TEF: variants seen among roughly 807,000 people sequenced by gnomAD.
The protein encoded by TEF is thyrotroph embryonic factor.
In TEF, 3 loss-of-function variants were observed where a neutral mutation model predicts 20.8. The observed-to-expected ratio is 0.14, with a 90% confidence interval of 0.07 to 0.37. The LOEUF (loss-of-function observed/expected upper bound fraction) is 0.37. Among genes scored for constraint, TEF ranks in the 10% least tolerant of loss-of-function variants. The pLI, the probability that TEF is intolerant of heterozygous loss-of-function variation, is 1.00. For synonymous variants in TEF, 180 were observed against 171.1 expected (o/e 1.05, Z -0.41); for missense variants, 296 against 397.9 (o/e 0.74, Z 2.18).
chr22:41,395,714 C>G (rs368894005), intron 3 of TEF, 31 bp from the exon 4 acceptor site: 1 of 1,603,356 alleles, frequency 6.2e-7, no homozygotes. Context: ...TGGGGAAAGA[C>G]GAGAGACTCA....
intron 1 of TEF, among the ~76,000 whole-genome samples, chr22:41,370,730 CATT>C (rs1408628885): frequency 1.3e-5 from 2 of 152,148 alleles, no homozygotes; most frequent in Non-Finnish European, 2.9e-5. Context: ...TTTTCTAGTT[CATT>C]GATGCCCCTT....
upstream of TEF, chr22:41,381,824 C>G (rs996849194): frequency 8.6e-7 from 1 of 1,168,992 alleles, no homozygotes; most frequent in Non-Finnish European, 1.1e-6. Context: ...GCAGGCTGGA[C>G]CAATCCAGAG....
Position 41,381,982 on chromosome 22 carries a change from G to A in TEF, c.-63G>A. 8.1e-7 allele frequency: 1 copy of A among 1,228,742 alleles called. No homozygotes were observed. The highest frequency in any genetic ancestry group is 1.0e-6 in the Non-Finnish European group (1 of 986,050). 76.1% of individuals were successfully genotyped at this position (1,228,742 alleles called of 1,614,324 possible). A position where few individuals can be genotyped will look rare whatever the true frequency, so the allele number is the denominator to read the frequency against. On this transcript the variant is annotated 5_prime_UTR_variant, in exon 1 of 4. Coordinates refer to ENST00000266304, the MANE Select transcript of TEF (RefSeq NM_003216.4). Reference sequence around the variant, plus strand: ...GTCGGCAGCTGCAGCGGGTCGCACGGCTCCGGCCCATCTCGGGGGGCGGGC... The same window carrying A: ...GTCGGCAGCTGCAGCGGGTCGCACGACTCCGGCCCATCTCGGGGGGCGGGC...
At chr22:41,395,646 C>G in intron 3 of TEF, 99 bp from the exon 4 acceptor site, 1 of 1,225,208 alleles carries the variant, frequency 8.2e-7, no homozygotes, top group South Asian at 1.4e-5. Flanking sequence ...TAGCTCTGGC[C>G]ACACCAGATG....
intron 1 of TEF, chr22:41,382,979 C>G (rs1288041625): frequency 2.1e-6 from 1 of 471,080 alleles, no homozygotes; most frequent in Non-Finnish European, 4.4e-6. Context: ...GGGGCGTATA[C>G]GGAAAGCAGG....
chr22:41,370,172 T>A (rs1253045191), intron 1 of TEF: 3 of 879,792 alleles, frequency 3.4e-6, no homozygotes, highest in African/African-American at 3.6e-5. Flanking sequence ...TGGAGTGCAG[T>A]GGTGCTATCT....
intron 2 of TEF, among the ~76,000 whole-genome samples, chr22:41,388,581 A>G (rs901898840): frequency 3.4e-5 from 5 of 148,960 alleles, no homozygotes; most frequent in Admixed American, 6.9e-5. Flanking sequence ...GCCATCTCAA[A>G]AAAAAAAAAA....
At position 41,399,267 on chromosome 22, in the gene TEF, G is replaced by A. The variant is rs1372480344; in HGVS notation, c.*3307G>A. ...ACTGCTGGTGGGCCGGAGTGATGTG[G>A]TGGGAGGGAAGCCGGGAATGTATCC... On this transcript the variant is annotated 3_prime_UTR_variant, in exon 4 of 4. Coordinates refer to ENST00000266304, the MANE Select transcript of TEF (RefSeq NM_003216.4). 4 of 152,704 alleles carry A rather than the reference G, an allele frequency of 2.6e-5. No homozygotes were observed. The highest frequency in any genetic ancestry group is 1.3e-4 in the Admixed American group (2 of 15,286). The allele number at this position is 152,704 out of a possible 1,614,324, so 9.5% of individuals were successfully genotyped here.
upstream of TEF, among the ~76,000 whole-genome samples, chr22:41,378,741 G>T (rs2036978474): frequency 6.6e-6 from 1 of 151,992 alleles, no homozygotes. Flanking sequence ...CAAAGTGCTG[G>T]GATTACATGG....
Position 41,395,922 on chromosome 22 carries a change from A to G in TEF, c.874A>G (p.Ile292Val), listed in dbSNP as rs1345899823. 1.2e-6 allele frequency: 2 copies of G among 1,614,018 alleles called. No homozygotes were observed. The highest frequency in any genetic ancestry group is 1.7e-6 in the Non-Finnish European group (2 of 1,179,920). The change falls in exon 4 of 4, where the codon ATC (isoleucine) becomes GTC (valine). Residue 292 changes from isoleucine (I) to valine (V), a missense_variant. Ile to Val is a conservative substitution (Grantham distance 29). This residue lies in a region of TEF where 194 missense variants were observed against 317.8 expected (regional missense o/e 0.61). Transcript: ENST00000266304. Reference protein sequence around the residue: ...LRKEVGKCKTIVSKYETKYGP... With the variant: ...LRKEVGKCKTVVSKYETKYGP... ...CAAGGAGGTGGGCAAGTGCAAGACC[A>G]TCGTGTCCAAGTATGAGACCAAATA...
At chr22:41,394,642 T>C (rs2037206852) in intron 3 of TEF, among the ~76,000 whole-genome samples, 2 of 152,214 alleles carry the variant, frequency 1.3e-5, no homozygotes, top group African/African-American at 4.8e-5. Context: ...AAAAAGTCCT[T>C]GCTTTGAAGG....
chr22:41,395,801 G>A lies in TEF; in HGVS notation c.753G>A (p.Arg251=), dbSNP rs2037220482. 6.2e-7 allele frequency: 1 copy of A among 1,614,064 alleles called. No homozygotes were observed. Among genetic ancestry groups the A allele is most frequent in the African/African-American group, 1.3e-5 (1 of 74,922 alleles). Residue 251 remains arginine, a synonymous_variant, in exon 4 of 4, where the codon CGG becomes CGA. Transcript: ENST00000266304. ...KKNNVAAKRS[R]DARRLKENQI... Reference sequence around the variant, plus strand: ...ACAACGTGGCAGCTAAACGGTCACGGGATGCCCGGCGCCTGAAAGAGAATC... The same window carrying A: ...ACAACGTGGCAGCTAAACGGTCACGAGATGCCCGGCGCCTGAAAGAGAATC...
chr22:41,396,634 A>G lies in TEF; in HGVS notation c.*674A>G, dbSNP rs534969577. The G allele has an allele frequency of 2.9e-5, 8 of 274,148 alleles. No homozygotes were observed. Among genetic ancestry groups the G allele is most frequent in the Non-Finnish European group, 4.7e-5 (7 of 147,590 alleles). The allele number at this position is 274,148 out of a possible 1,614,324, so 17.0% of individuals were successfully genotyped here. ...CCTTTTCCCTTATGGCTCTGAGGCCATCGGCTGTCTCTGCATTTCATTGGC... is the reference window on the plus strand; with the variant it reads ...CCTTTTCCCTTATGGCTCTGAGGCCGTCGGCTGTCTCTGCATTTCATTGGC... On this transcript the variant is annotated 3_prime_UTR_variant, in exon 4 of 4. Transcript: ENST00000266304.
At chr22:41,381,707 G>A (rs2037025798), upstream of TEF, among the ~76,000 whole-genome samples, 1 of 151,980 alleles carries the variant, frequency 6.6e-6, no homozygotes, top group East Asian at 1.9e-4. Context: ...GGACACAGGG[G>A]CGGCGGGGCG....
chr22:41,380,683 T>C (rs1054689824), upstream of TEF, among the ~76,000 whole-genome samples: 18 of 152,236 alleles, frequency 1.2e-4, no homozygotes, highest in African/African-American at 4.3e-4. Context: ...GAGTCTGATC[T>C]GTACTATAAA....
chr22:41,370,156 C>G, intron 1 of TEF: 3 of 955,688 alleles, frequency 3.1e-6, no homozygotes, highest in Non-Finnish European at 3.7e-6. Flanking sequence ...TGCTCTATCG[C>G]CAGGCTGGAG....
chr22:41,385,034 G>T (rs1256441339), intron 1 of TEF, among the ~76,000 whole-genome samples: 3 of 152,146 alleles, frequency 2.0e-5, no homozygotes, highest in Non-Finnish European at 4.4e-5. Flanking sequence ...GGATACAGGC[G>T]TGATCCCACT....
upstream of TEF, among the ~76,000 whole-genome samples, chr22:41,379,542 G>C (rs189428987): frequency 6.7e-6 from 1 of 150,194 alleles, no homozygotes; most frequent in Non-Finnish European, 1.5e-5. Context: ...ACACCATAAG[G>C]TAGAGCCTGC....
chr22:41,387,376 G>A lies in TEF; in HGVS notation c.183G>A (p.Leu61=). 2.5e-6 allele frequency: 4 copies of A among 1,614,204 alleles called. No homozygotes were observed. The highest frequency in any genetic ancestry group is 2.5e-6 in the Non-Finnish European group (3 of 1,180,032). ...RLDKEKGKEK[L]EEDEAAAAST... The stretch of plus-strand genomic sequence containing the variant: ...ATAAGGAAAAGGGGAAGGAAAAGCT[G>A]GAGGAGGACGAGGCCGCAGCCGCCA... The change falls in exon 2 of 4, where the codon CTG becomes CTA. Residue 61 remains leucine (L), a synonymous_variant. Coordinates refer to ENST00000266304, the MANE Select transcript of TEF (RefSeq NM_003216.4).
Sources: allele counts gnomAD v4.1 joint callset (sites outside exome capture counted in the v4.1 genomes callset), GRCh38; gene constraint gnomAD v4.1.1; regional missense constraint gnomAD v4.1.1; transcripts MANE v1.5; gene names NCBI Gene and HGNC (gene_info 2026-07-23, HGNC 2026-07-21).